The following LRP1B variants were observed in gnomAD, a reference collection of about 807,000 sequenced individuals.
LRP1B encodes the protein low-density lipoprotein receptor-related protein 1B.
In LRP1B, 217 loss-of-function variants were observed where a neutral mutation model predicts 556.6. The observed-to-expected ratio is 0.39, with a 90% CI of 0.35 to 0.44. The LOEUF (loss-of-function observed/expected upper bound fraction) is 0.44, where lower values mean the gene tolerates loss of function less well. LRP1B is among the 20% of genes least tolerant of loss of function. The pLI is 1.00. For missense variants in LRP1B, 5,053 were observed against 5,620.8 expected, an observed-to-expected ratio of 0.90 and a Z score of 3.23; for synonymous variants, 2,047 against 1,865.8, an observed-to-expected ratio of 1.10 and a Z score of -2.50.
chr2:140,652,227 A>T (rs1243009046), intron 41 of LRP1B, among the ~76,000 whole-genome samples: 1 of 152,096 alleles, frequency 6.6e-6, no homozygotes, highest in Non-Finnish European at 1.5e-5. Flanking sequence ...TGTCATTTTC[A>T]AATATTGAAT....
At chr2:141,171,220 C>T (rs1015290245) in intron 7 of LRP1B, among the ~76,000 whole-genome samples, 3 of 152,126 alleles carry the variant, frequency 2.0e-5, no homozygotes, top group Middle Eastern at 3.4e-3. Context: ...CATTGCTTCA[C>T]TCTTTGTGTT....
chr2:140,665,257 A>C (rs1291464548), intron 41 of LRP1B, among the ~76,000 whole-genome samples: 1 of 152,168 alleles, frequency 6.6e-6, no homozygotes, highest in Non-Finnish European at 1.5e-5. Context: ...TTCTCCTTTG[A>C]CACCTAAAAT....
At chr2:140,337,227 T>C (rs1681147787) in intron 77 of LRP1B, among the ~76,000 whole-genome samples, 1 of 151,880 alleles carries the variant, frequency 6.6e-6, no homozygotes, top group African/African-American at 2.4e-5. Flanking sequence ...CCAATGCTGT[T>C]TATGATCAGT....
chr2:141,247,141 G>T (rs950655476), intron 5 of LRP1B, 85 bp downstream of exon 5: 5 of 1,471,468 alleles, frequency 3.4e-6, no homozygotes, highest in South Asian at 2.3e-5. Context: ...CCATATTTCT[G>T]CTATACCACA....
chr2:141,608,963 G>T (rs1484035709), intron 2 of LRP1B, among the ~76,000 whole-genome samples: 1 of 152,136 alleles, frequency 6.6e-6, no homozygotes, highest in African/African-American at 2.4e-5. Context: ...TGACCTGAGA[G>T]ATTTATTTGC....
chr2:140,948,008 G>A (rs1695592678), intron 20 of LRP1B, among the ~76,000 whole-genome samples: 1 of 152,102 alleles, frequency 6.6e-6, no homozygotes, highest in Admixed American at 6.5e-5. Context: ...CTACAATAGT[G>A]AAACCTGAGT....
intron 1 of LRP1B, among the ~76,000 whole-genome samples, chr2:142,040,992 G>A (rs1704046213): frequency 6.6e-6 from 1 of 151,306 alleles, no homozygotes; most frequent in Non-Finnish European, 1.5e-5. Context: ...CATTTATGTT[G>A]AGTCCAGTGA....
rs1692418930 is a variant in LRP1B, at chr2:140,850,305, G to C, written c.4736C>G (p.Ala1579Gly). 6.3e-7 allele frequency: 1 copy of C among 1,595,758 alleles called. No individual in the cohort carries two copies. The highest frequency in any genetic ancestry group is 8.5e-7 in the Non-Finnish European group (1 of 1,171,334). The change falls in exon 29 of 91, where the codon GCA becomes GGA. Residue 1579 changes from alanine to glycine, a missense_variant. Ala to Gly is a moderately conservative substitution (Grantham distance 60). Coordinates refer to ENST00000389484, the MANE Select transcript of LRP1B (RefSeq NM_018557.3). ...CYEMKKFLLYARRSEIRGVDI... is the reference protein window; with the variant it reads ...CYEMKKFLLYGRRSEIRGVDI... ...CACTCCTCTGATTTCAGAACGTCTT[G>C]CATAAAGAAGAAATTTTTTCATTTC... is the stretch of plus-strand genomic sequence containing the variant.
intron 1 of LRP1B, among the ~76,000 whole-genome samples, chr2:141,816,227 A>G (rs1696541647): frequency 6.6e-6 from 1 of 152,132 alleles, no homozygotes; most frequent in African/African-American, 2.4e-5. Flanking sequence ...GATGCAAAGT[A>G]TTGTTCCTGG....
At chr2:140,442,255 C>G (rs984897629) in intron 66 of LRP1B, among the ~76,000 whole-genome samples, 3 of 152,134 alleles carry the variant, frequency 2.0e-5, no homozygotes, top group African/African-American at 7.2e-5. Flanking sequence ...TGGTCTTATT[C>G]TACCTCTTTG....
intron 1 of LRP1B, among the ~76,000 whole-genome samples, chr2:141,855,193 G>A (rs1054091572): frequency 2.0e-5 from 3 of 151,998 alleles, no homozygotes; most frequent in Non-Finnish European, 2.9e-5. Context: ...AAGACCACTC[G>A]AGCATGACCA....
At chr2:141,516,514 T>C (rs756341846) in intron 2 of LRP1B, among the ~76,000 whole-genome samples, 1 of 152,036 alleles carries the variant, frequency 6.6e-6, no homozygotes, top group African/African-American at 2.4e-5. Context: ...CTAATAAAAA[T>C]GGAAAAGTAA....
At chr2:141,458,719 C>G (rs2105037179) in intron 3 of LRP1B, among the ~76,000 whole-genome samples, 1 of 152,014 alleles carries the variant, frequency 6.6e-6, no homozygotes. Flanking sequence ...ACTTATAGAC[C>G]AAGTTACCTT....
intron 7 of LRP1B, among the ~76,000 whole-genome samples, chr2:141,144,938 T>G (rs1286927550): frequency 1.3e-5 from 2 of 152,220 alleles, no homozygotes; most frequent in Non-Finnish European, 2.9e-5. Context: ...CTCAGGCTAA[T>G]GTTTCCAAAA....
intron 23 of LRP1B, among the ~76,000 whole-genome samples, chr2:140,900,930 A>G (rs1694086450): frequency 6.6e-6 from 1 of 152,228 alleles, no homozygotes; most frequent in Admixed American, 6.5e-5. Context: ...AGGAAAGTAT[A>G]GTCTAAGTGA....
intron 2 of LRP1B, among the ~76,000 whole-genome samples, chr2:141,666,412 G>T (rs891935661): frequency 6.6e-6 from 1 of 152,168 alleles, no homozygotes; most frequent in Non-Finnish European, 1.5e-5. Flanking sequence ...TAAGAGACAG[G>T]TCTGGTTATG....
At chr2:140,963,988 G>T (rs1558767159) in intron 18 of LRP1B, among the ~76,000 whole-genome samples, 1 of 152,122 alleles carries the variant, frequency 6.6e-6, no homozygotes, top group Non-Finnish European at 1.5e-5. Flanking sequence ...AATGCGCGGA[G>T]ACCGGTAGTG....
chr2:141,696,912 A>G (rs915466550), intron 2 of LRP1B, among the ~76,000 whole-genome samples: 1 of 152,008 alleles, frequency 6.6e-6, no homozygotes, highest in African/African-American at 2.4e-5. Context: ...ATGTTAAAAG[A>G]AACATACAGA....
intron 1 of LRP1B, among the ~76,000 whole-genome samples, chr2:142,129,544 C>T (rs1285932217): frequency 6.7e-6 from 1 of 149,874 alleles, no homozygotes; most frequent in East Asian, 2.0e-4. Flanking sequence ...CAACATTCTG[C>T]CTATTTGCTT....
Sources: allele counts gnomAD v4.1 joint callset (sites outside exome capture counted in the v4.1 genomes callset), GRCh38; gene constraint gnomAD v4.1.1; transcripts MANE v1.5; gene names NCBI Gene and HGNC (gene_info 2026-07-23, HGNC 2026-07-21).